CNTNAP5: variants seen among roughly 807,000 people sequenced by gnomAD.
CNTNAP5 encodes contactin associated protein family member 5.
Under a neutral mutation model 150.2 loss-of-function variants are expected in CNTNAP5, and 72 were observed. The observed-to-expected ratio is 0.48, with a 90% CI of 0.40 to 0.58. The LOEUF is 0.58. Ranked by LOEUF, CNTNAP5 falls within the 20% of genes least tolerant of loss-of-function variation. CNTNAP5 has a pLI of 0.00. For synonymous variants in CNTNAP5, 672 were observed against 619.8 expected, an observed-to-expected ratio of 1.08 and a Z score of -1.25; for missense variants, 1,636 against 1,626.2, an observed-to-expected ratio of 1.01 and a Z score of -0.10.
chr2:124,423,154 C>T (rs1032099614), intron 4 of CNTNAP5, among the ~76,000 whole-genome samples: 1 of 152,136 alleles, frequency 6.6e-6, no homozygotes, highest in African/African-American at 2.4e-5. Flanking sequence ...ATCTTGGGTC[C>T]TCTGTGGACA....
chr2:124,234,702 C>G (rs916338887), intron 2 of CNTNAP5, among the ~76,000 whole-genome samples: 1 of 152,150 alleles, frequency 6.6e-6, no homozygotes, highest in Admixed American at 6.5e-5. Context: ...TCTTTTATAA[C>G]TTCTGAACTA....
chr2:124,153,668 G>A (rs905377852), intron 1 of CNTNAP5, among the ~76,000 whole-genome samples: 1 of 143,462 alleles, frequency 7.0e-6, no homozygotes, highest in African/African-American at 2.6e-5. Context: ...GGAGTACAGT[G>A]GTGTGATCTC....
At chr2:124,721,539 AG>A (rs1680050274) in intron 13 of CNTNAP5, among the ~76,000 whole-genome samples, 1 of 148,256 alleles carries the variant, frequency 6.7e-6, no homozygotes, top group South Asian at 2.1e-4. Context: ...AAAACAAAAA[AG>A]AAAAAAAATT....
At chr2:124,739,532 A>G (rs945525891) in intron 13 of CNTNAP5, among the ~76,000 whole-genome samples, 1 of 152,148 alleles carries the variant, frequency 6.6e-6, no homozygotes, top group African/African-American at 2.4e-5. Context: ...TCTTGGCCTT[A>G]TAACTTTGGT....
At chr2:124,063,984 A>G (rs1232522765) in intron 1 of CNTNAP5, among the ~76,000 whole-genome samples, 3 of 152,140 alleles carry the variant, frequency 2.0e-5, no homozygotes, top group Admixed American at 6.6e-5. Context: ...ATCCTAAGAA[A>G]ACATATTGCT....
At chr2:124,137,240 G>T (rs1396029213) in intron 1 of CNTNAP5, among the ~76,000 whole-genome samples, 1 of 151,006 alleles carries the variant, frequency 6.6e-6, no homozygotes, top group Non-Finnish European at 1.5e-5. Context: ...ATGAATGAAT[G>T]AATATATGAA....
At chr2:124,869,613 C>A in intron 20 of CNTNAP5, 62 bp from the exon 21 acceptor site, 1 of 1,045,496 alleles carries the variant, frequency 9.6e-7, no homozygotes, top group South Asian at 1.3e-5. Context: ...CAGATGGGAT[C>A]GTTTTATGCT....
intron 11 of CNTNAP5, among the ~76,000 whole-genome samples, chr2:124,573,671 A>G (rs1696214781): frequency 6.6e-6 from 1 of 152,232 alleles, no homozygotes; most frequent in Admixed American, 6.5e-5. Flanking sequence ...AGAAAAATAC[A>G]AAGCTCTAGT....
At chr2:124,421,829 C>T (rs1466135936) in intron 4 of CNTNAP5, among the ~76,000 whole-genome samples, 3 of 152,172 alleles carry the variant, frequency 2.0e-5, no homozygotes, top group African/African-American at 4.8e-5. Flanking sequence ...GAAGTCCCCC[C>T]GACTGTTCCT....
intron 11 of CNTNAP5, among the ~76,000 whole-genome samples, chr2:124,601,799 C>G (rs1446080021): frequency 6.6e-6 from 1 of 152,184 alleles, no homozygotes; most frequent in East Asian, 1.9e-4. Context: ...TGTAGTATGT[C>G]CATGTTATGA....
intron 1 of CNTNAP5, among the ~76,000 whole-genome samples, chr2:124,146,700 T>C (rs779530975): frequency 6.6e-6 from 1 of 152,216 alleles, no homozygotes; most frequent in Non-Finnish European, 1.5e-5. Context: ...ATTAAAGTTA[T>C]GTCAAATTAT....
At chr2:124,147,635 T>G (rs1684286249) in intron 1 of CNTNAP5, among the ~76,000 whole-genome samples, 1 of 152,250 alleles carries the variant, frequency 6.6e-6, no homozygotes, top group South Asian at 2.1e-4. Flanking sequence ...GATGTCCTTC[T>G]GACAGCGCTA....
At chr2:124,906,672 TGTAGTGCCCA>T (rs1678544209) in intron 22 of CNTNAP5, among the ~76,000 whole-genome samples, 1 of 152,192 alleles carries the variant, frequency 6.6e-6, no homozygotes, top group African/African-American at 2.4e-5. Flanking sequence ...GCCTGAGATC[TGTAGTGCCCA>T]GTCCAATATT....
At chr2:124,700,655 G>A (rs1411220392) in intron 13 of CNTNAP5, among the ~76,000 whole-genome samples, 1 of 151,964 alleles carries the variant, frequency 6.6e-6, no homozygotes, top group African/African-American at 2.4e-5. Flanking sequence ...TATTTAAATT[G>A]CATTACTTTT....
intron 1 of CNTNAP5, among the ~76,000 whole-genome samples, chr2:124,104,071 A>C (rs191216920): frequency 6.7e-6 from 1 of 149,492 alleles, no homozygotes; most frequent in African/African-American, 2.4e-5. Flanking sequence ...GATTATGTAT[A>C]TAGTTCTCTC....
intron 3 of CNTNAP5, among the ~76,000 whole-genome samples, chr2:124,404,785 T>G (rs1369716096): frequency 6.6e-6 from 1 of 152,190 alleles, no homozygotes; most frequent in Admixed American, 6.5e-5. Flanking sequence ...AGATTCTCTT[T>G]GAAGAGCAAA....
chr2:124,902,782 G>T, intron 21 of CNTNAP5, 100 bp from the exon 22 acceptor site: 3 of 743,406 alleles, frequency 4.0e-6, no homozygotes, highest in Non-Finnish European at 4.3e-6. Context: ...CAATAACAAG[G>T]TAATTTCTGT....
At chr2:124,786,006 C>G (rs758287346) in intron 17 of CNTNAP5, among the ~76,000 whole-genome samples, 15 of 151,998 alleles carry the variant, frequency 9.9e-5, no homozygotes, top group Non-Finnish European at 1.9e-4. Flanking sequence ...GAGGCCAAGG[C>G]AGGAGGATTG....
chr2:124,457,265 A>C (rs1437713087), intron 6 of CNTNAP5, among the ~76,000 whole-genome samples: 2 of 152,212 alleles, frequency 1.3e-5, no homozygotes, highest in African/African-American at 4.8e-5. Flanking sequence ...CCAAGAACCC[A>C]AAAGAAAATG....
Sources: allele counts gnomAD v4.1 joint callset (sites outside exome capture counted in the v4.1 genomes callset), GRCh38; gene constraint gnomAD v4.1.1; transcripts MANE v1.5; gene names NCBI Gene and HGNC (gene_info 2026-07-23, HGNC 2026-07-21).